EIF4G3: variants seen among roughly 807,000 people sequenced by gnomAD.
EIF4G3 encodes eIF-4-gamma 3.
EIF4G3 carries 34 observed loss-of-function variants against 186.4 expected under a neutral mutation model. The ratio of observed to expected loss-of-function variants is 0.18; its 90% CI spans 0.14 to 0.24. EIF4G3 has a LOEUF of 0.24. Ranked by LOEUF, EIF4G3 falls within the 10% of genes least tolerant of loss-of-function variation. The pLI, the probability that EIF4G3 is intolerant of heterozygous loss-of-function variation, is 1.00. For synonymous variants in EIF4G3, 673 were observed against 679.5 expected, an observed-to-expected ratio of 0.99 and a Z score of 0.15; for missense variants, 1,536 against 1,948.5, an observed-to-expected ratio of 0.79 and a Z score of 3.99.
intron 3 of EIF4G3, among the ~76,000 whole-genome samples, chr1:21,053,831 A>G (rs369311708): frequency 0.033 from 3,546 of 107,306 alleles, 127 homozygotes; most frequent in East Asian, 0.16. Flanking sequence ...CAGCCGCCCC[A>G]TCCGGGAGGG....
chr1:20,921,301 A>T lies in EIF4G3; in HGVS notation c.1664-16330T>A, dbSNP rs548414012. Among the ~76,000 whole-genome samples the T allele has an allele frequency of 3.0e-4, 46 of 152,326 alleles. No homozygotes were observed. In the South Asian group the frequency reaches 7.7e-3, roughly 25 times the overall value. On this transcript the variant is annotated intron_variant, in intron 14 of 36. Coordinates refer to ENST00000602326, the MANE Select transcript of EIF4G3 (RefSeq NM_001391906.1). ...AAGGTAGTGGGCTTGTAATATTAGGATATTATAAAACTAAAGTAACGAAGG... is the reference window on the plus strand; with the variant it reads ...AAGGTAGTGGGCTTGTAATATTAGGTTATTATAAAACTAAAGTAACGAAGG...
chr1:21,046,729 C>T (rs760565874), intron 4 of EIF4G3, among the ~76,000 whole-genome samples: 2 of 152,114 alleles, frequency 1.3e-5, no homozygotes, highest in Non-Finnish European at 2.9e-5. Flanking sequence ...AACAAATTAC[C>T]GCCAACAGAA....
At chr1:20,948,577 T>C (rs2096069042) in intron 13 of EIF4G3, among the ~76,000 whole-genome samples, 1 of 152,176 alleles carries the variant, frequency 6.6e-6, no homozygotes, top group Admixed American at 6.5e-5. Flanking sequence ...TTGTTTGATG[T>C]AAAAATCAAT....
rs75757090 is a variant in EIF4G3, at chr1:20,867,613, A to C, written c.2623-2351T>G. Among the ~76,000 whole-genome samples the C allele has an allele frequency of 6.6e-4, 101 of 152,288 alleles. 3 individuals carry two copies. The East Asian group carries it at 0.018, about 27-fold the overall frequency. On this transcript the variant is annotated intron_variant, in intron 20 of 36. Coordinates refer to ENST00000602326, the MANE Select transcript of EIF4G3 (RefSeq NM_001391906.1). Reference sequence around the variant, plus strand: ...AGCAAATAGTGGCTGACACACAGTAAGGGCCCAATAAACAACTAGTATGGC... The same window carrying C: ...AGCAAATAGTGGCTGACACACAGTACGGGCCCAATAAACAACTAGTATGGC...
rs556471529 is a variant in EIF4G3 at position 21,145,705 on chromosome 1, A to C, written c.-272+30470T>G. Among the ~76,000 whole-genome samples the C allele has an allele frequency of 4.6e-5, 7 of 152,320 alleles. No homozygotes were observed. In the East Asian group the frequency reaches 1.3e-3, roughly 29 times the overall value. ...AAAACCATTCAGTTATCTAGTAGTC[A>C]ATGTTAGGAATAAAATTTGGTTACT... On this transcript the variant is annotated intron_variant, in intron 2 of 36. Transcript: ENST00000602326.
chr1:21,167,064 T>C (rs572470511), intron 2 of EIF4G3, among the ~76,000 whole-genome samples: 13 of 152,244 alleles, frequency 8.5e-5, no homozygotes, highest in African/African-American at 3.1e-4. Flanking sequence ...TTACAGGCCA[T>C]GAGTCACTGC....
At chr1:20,954,237 G>A (rs1399692365) in intron 12 of EIF4G3, among the ~76,000 whole-genome samples, 3 of 152,036 alleles carry the variant, frequency 2.0e-5, no homozygotes, top group Non-Finnish European at 2.9e-5. Context: ...ACACTATGAA[G>A]GCTAAGAAGC....
intron 14 of EIF4G3, among the ~76,000 whole-genome samples, chr1:20,931,097 T>C (rs905891738): frequency 6.6e-6 from 1 of 151,706 alleles, no homozygotes; most frequent in Non-Finnish European, 1.5e-5. Flanking sequence ...GCCAGGGAAA[T>C]GACAAGCATC....
At chr1:21,045,612 A>T (rs1390660157) in intron 4 of EIF4G3, among the ~76,000 whole-genome samples, 1 of 152,222 alleles carries the variant, frequency 6.6e-6, no homozygotes, top group Admixed American at 6.5e-5. Context: ...AATGATGCCA[A>T]GAGAAAAAAG....
chr1:20,916,213 G>A (rs1326045299), intron 14 of EIF4G3, among the ~76,000 whole-genome samples: 2 of 152,050 alleles, frequency 1.3e-5, no homozygotes, highest in African/African-American at 4.8e-5. Flanking sequence ...CTGGGAGGCC[G>A]AGGCAGGCGG....
intron 34 of EIF4G3, among the ~76,000 whole-genome samples, chr1:20,814,920 T>C (rs1440861060): frequency 9.0e-6 from 1 of 111,196 alleles, no homozygotes; most frequent in African/African-American, 3.3e-5. Context: ...GTGCCTGCGA[T>C]TGCAGGCGCG....
At chr1:20,967,214 T>C (rs2154565239) in intron 12 of EIF4G3, among the ~76,000 whole-genome samples, 1 of 152,254 alleles carries the variant, frequency 6.6e-6, no homozygotes, top group Middle Eastern at 3.4e-3. Flanking sequence ...GGCATTTAAG[T>C]GCAAAAAGAC....
chr1:20,870,379 T>C (rs555032200), intron 20 of EIF4G3, among the ~76,000 whole-genome samples: 1 of 152,262 alleles, frequency 6.6e-6, no homozygotes, highest in Non-Finnish European at 1.5e-5. Flanking sequence ...GTAGCTGAGG[T>C]ATGTATGTCT....
chr1:20,807,042 C>A lies in EIF4G3; in HGVS notation c.*277G>T. ...GCTAAACATTTTTTTAAGTATGAGT[C>A]CTTGTTTAAAAAGAAAAGATTAAAA... On this transcript the variant is annotated 3_prime_UTR_variant, in exon 37 of 37. Coordinates refer to ENST00000602326, the MANE Select transcript of EIF4G3 (RefSeq NM_001391906.1). 4.7e-6 allele frequency: 1 copy of A among 213,752 alleles called. No homozygotes were observed. Among genetic ancestry groups the A allele is most frequent in the Admixed American group, 5.8e-5 (1 of 17,106 alleles). The allele number at this position is 213,752 out of a possible 1,614,324, so 13.2% of individuals were successfully genotyped here.
chr1:20,822,377 T>C (rs75125323), intron 33 of EIF4G3, among the ~76,000 whole-genome samples: 1 of 144,322 alleles, frequency 6.9e-6, no homozygotes, highest in African/African-American at 2.6e-5. Context: ...TTTTTTTTTT[T>C]TTTTTGAGAC....
At chr1:21,176,098 G>T in intron 2 of EIF4G3, 77 bp downstream of exon 2, 1 of 279,904 alleles carries the variant, frequency 3.6e-6, no homozygotes, top group Non-Finnish European at 6.6e-6. Context: ...GCCGGCAGGA[G>T]GGTCCCCTGG....
At chr1:20,902,248 G>A (rs1027089883) in intron 15 of EIF4G3, among the ~76,000 whole-genome samples, 23 of 152,156 alleles carry the variant, frequency 1.5e-4, no homozygotes, top group Middle Eastern at 3.4e-3. Flanking sequence ...ATTTTTAGTA[G>A]AGACAGGGTT....
chr1:21,166,937 G>A (rs576267568), intron 2 of EIF4G3, among the ~76,000 whole-genome samples: 4 of 151,750 alleles, frequency 2.6e-5, no homozygotes, highest in South Asian at 2.1e-4. Context: ...ACGTGCAACC[G>A]CGCCTGGCTA....
At chr1:21,092,580 A>G (rs1277917389) in intron 2 of EIF4G3, among the ~76,000 whole-genome samples, 11 of 152,142 alleles carry the variant, frequency 7.2e-5, no homozygotes, top group Non-Finnish European at 1.5e-4. Context: ...AACTTTCTTC[A>G]CAGAATTGGA....
Sources: allele counts gnomAD v4.1 joint callset (sites outside exome capture counted in the v4.1 genomes callset), GRCh38; gene constraint gnomAD v4.1.1; transcripts MANE v1.5; gene names NCBI Gene and HGNC (gene_info 2026-07-23, HGNC 2026-07-21).